Variants in STARD13 observed in about 807,000 individuals in gnomAD.
STARD13 encodes the protein StAR related lipid transfer domain containing 13.
STARD13 carries 62 observed loss-of-function variants against 106.4 expected under a neutral mutation model. The observed-to-expected ratio is 0.58, with a 90% confidence interval of 0.48 to 0.72. The LOEUF (loss-of-function observed/expected upper bound fraction) is 0.72, where lower values mean the gene tolerates loss of function less well. Among genes scored for constraint, STARD13 ranks in the 30% least tolerant of loss-of-function variants. The pLI, the probability that STARD13 is intolerant of heterozygous loss-of-function variation, is 0.00. For missense variants in STARD13, 1,387 were observed against 1,424.0 expected (o/e 0.97, Z 0.42); for synonymous variants, 565 against 553.0 (o/e 1.02, Z -0.31).
chr13:33,528,277 C>CT, the STARD13 span, among the ~76,000 whole-genome samples: 2,258 of 93,044 alleles, frequency 0.024, 89 homozygotes, highest in East Asian at 0.05. Flanking sequence ...TATATATACT[C>CT]TTTTTTTTTT....
chr13:33,410,107 T>C, the STARD13 span, among the ~76,000 whole-genome samples: 1 of 152,352 alleles, frequency 6.6e-6, no homozygotes, highest in African/African-American at 2.4e-5. Context: ...TACTAATTTA[T>C]TGCTGTCTTC....
At chr13:33,142,572 A>G (rs573507705) in intron 3 of STARD13, among the ~76,000 whole-genome samples, 199 bp from the exon 4 acceptor site, 7 of 152,250 alleles carry the variant, frequency 4.6e-5, no homozygotes, top group Admixed American at 2.6e-4. Flanking sequence ...AGAGGACTCT[A>G]CCACTAAGCC....
the STARD13 span, among the ~76,000 whole-genome samples, chr13:33,386,029 G>C: frequency 6.6e-6 from 1 of 151,924 alleles, no homozygotes; most frequent in East Asian, 1.9e-4. Context: ...TATTCATCAG[G>C]TATGTTGATA....
chr13:33,464,037 A>ATATATATATATATATGTATATGTATATG, the STARD13 span, among the ~76,000 whole-genome samples: 161 of 141,004 alleles, frequency 1.1e-3, no homozygotes, highest in African/African-American at 4.0e-3. Context: ...ATATATATAT[A>ATATATATATATATATGTATATGTATATG]TATATGTATA....
chr13:33,551,719 C>T, the STARD13 span, among the ~76,000 whole-genome samples: 1 of 150,930 alleles, frequency 6.6e-6, no homozygotes, highest in African/African-American at 2.4e-5. Context: ...CTGCCTTATC[C>T]TCCTAAGTAG....
At chr13:33,245,683 A>G (rs956757247) in intron 1 of STARD13, among the ~76,000 whole-genome samples, 2 of 152,200 alleles carry the variant, frequency 1.3e-5, no homozygotes, top group Non-Finnish European at 2.9e-5. Context: ...CCACTAAGAT[A>G]AGGTTTCTTC....
At chr13:33,394,439 A>G in the STARD13 span, among the ~76,000 whole-genome samples, 1 of 152,232 alleles carries the variant, frequency 6.6e-6, no homozygotes, top group Non-Finnish European at 1.5e-5. Flanking sequence ...CATATTTGAC[A>G]GTGCAGAAGA....
intron 1 of STARD13, among the ~76,000 whole-genome samples, chr13:33,175,261 C>T (rs1884394660): frequency 6.6e-6 from 1 of 152,170 alleles, no homozygotes; most frequent in African/African-American, 2.4e-5. Flanking sequence ...AGGCTGCATG[C>T]ATACATCCCC....
the STARD13 span, among the ~76,000 whole-genome samples, chr13:33,624,687 T>C: frequency 2.6e-5 from 4 of 152,324 alleles, no homozygotes; most frequent in East Asian, 7.7e-4. Flanking sequence ...TTCAACAGTG[T>C]CTGTTAAATA....
chr13:33,148,130 G>A (rs1880798273), intron 3 of STARD13, among the ~76,000 whole-genome samples: 1 of 152,080 alleles, frequency 6.6e-6, no homozygotes, highest in Non-Finnish European at 1.5e-5. Flanking sequence ...AGATAACATA[G>A]GAGAAAATCT....
chr13:33,183,310 G>A (rs185201412), intron 1 of STARD13, among the ~76,000 whole-genome samples: 1 of 152,324 alleles, frequency 6.6e-6, no homozygotes, highest in East Asian at 1.9e-4. Context: ...TTAAGGAGGA[G>A]CTGAGAGTGA....
chr13:33,412,131 T>G, the STARD13 span, among the ~76,000 whole-genome samples: 1 of 152,186 alleles, frequency 6.6e-6, no homozygotes, highest in Non-Finnish European at 1.5e-5. Context: ...TGGTTCTAAA[T>G]GTAAACAGAA....
the STARD13 span, among the ~76,000 whole-genome samples, chr13:33,550,234 T>C: frequency 6.6e-6 from 1 of 152,140 alleles, no homozygotes; most frequent in Non-Finnish European, 1.5e-5. Context: ...GTGAAACCAA[T>C]CAGAAAAGAT....
chr13:33,181,776 T>C (rs1165006008), intron 1 of STARD13, among the ~76,000 whole-genome samples: 1 of 152,224 alleles, frequency 6.6e-6, no homozygotes, highest in Non-Finnish European at 1.5e-5. Context: ...GCATTTGACA[T>C]TGTCCTGGCA....
intron 1 of STARD13, among the ~76,000 whole-genome samples, chr13:33,218,535 G>A: frequency 6.6e-6 from 1 of 152,084 alleles, no homozygotes; most frequent in East Asian, 1.9e-4. Context: ...AAGTGAATAG[G>A]GGTCTGGTAC....
chr13:33,314,657 A>G (rs1893262169), intron 1 of STARD13, among the ~76,000 whole-genome samples: 1 of 152,188 alleles, frequency 6.6e-6, no homozygotes, highest in African/African-American at 2.4e-5. Context: ...CCAATAACAC[A>G]ACCGAGCACC....
At chr13:33,174,935 G>A (rs906860103) in intron 1 of STARD13, among the ~76,000 whole-genome samples, 1 of 152,180 alleles carries the variant, frequency 6.6e-6, no homozygotes, top group Non-Finnish European at 1.5e-5. Context: ...ATCCATGTGT[G>A]TGAATGTGTG....
the STARD13 span, among the ~76,000 whole-genome samples, chr13:33,528,471 G>A: frequency 0.01 from 1,527 of 150,756 alleles, 30 homozygotes; most frequent in African/African-American, 0.035. Flanking sequence ...ATGAGGTCTC[G>A]CTATGTTACC....
At chr13:33,184,041 G>A (rs1404974129) in intron 1 of STARD13, among the ~76,000 whole-genome samples, 1 of 152,146 alleles carries the variant, frequency 6.6e-6, no homozygotes, top group Admixed American at 6.5e-5. Flanking sequence ...GTTTTTTGGG[G>A]CACTGAACTA....
Sources: allele counts gnomAD v4.1 joint callset (sites outside exome capture counted in the v4.1 genomes callset), GRCh38; gene constraint gnomAD v4.1.1; transcripts MANE v1.5; gene names NCBI Gene and HGNC (gene_info 2026-07-23, HGNC 2026-07-21).